Variants in MAP4K4 observed in about 807,000 individuals in gnomAD.
MAP4K4 encodes the protein mitogen-activated protein kinase kinase kinase kinase 4.
Under a neutral mutation model 189.6 loss-of-function variants are expected in MAP4K4, and 38 were observed. That is an observed-to-expected ratio of 0.20 (90% CI 0.15 to 0.26). The LOEUF (loss-of-function observed/expected upper bound fraction) is 0.26, where lower values mean the gene tolerates loss of function less well. Among genes scored for constraint, MAP4K4 ranks in the 10% least tolerant of loss-of-function variants. MAP4K4 has a pLI of 1.00. For missense variants in MAP4K4, 1,054 were observed against 1,726.9 expected, an observed-to-expected ratio of 0.61 and a Z score of 6.91; for synonymous variants, 610 against 624.3, an observed-to-expected ratio of 0.98 and a Z score of 0.34.
At chr2:101,859,749 GGCCGCACCCGCAGCACTC>G in exon 15 of MAP4K4, 5 of 1,611,578 alleles carry the variant, frequency 3.1e-6, no homozygotes, top group Non-Finnish European at 4.2e-6. Flanking sequence ...GACCATAGGA[GGCCGCACCCGCAGCACTC>G]GCAGCAGCCG....
At chr2:101,786,412 A>T (rs1024753019) in intron 2 of MAP4K4, among the ~76,000 whole-genome samples, 1 of 152,106 alleles carries the variant, frequency 6.6e-6, no homozygotes, top group Non-Finnish European at 1.5e-5. Context: ...CTTAAAAAAA[A>T]AACATACATT....
chr2:101,746,121 T>G (rs1470761280), intron 2 of MAP4K4, among the ~76,000 whole-genome samples: 1 of 151,814 alleles, frequency 6.6e-6, no homozygotes, highest in Non-Finnish European at 1.5e-5. Context: ...TCCTGGGTAG[T>G]TGGGACCGCA....
At chr2:101,736,795 C>T (rs1046777759) in intron 2 of MAP4K4, among the ~76,000 whole-genome samples, 3 of 152,134 alleles carry the variant, frequency 2.0e-5, no homozygotes, top group African/African-American at 4.8e-5. Flanking sequence ...AGTTAGTGCT[C>T]CTGACACTTG....
chr2:101,844,487 C>T lies in MAP4K4; in HGVS notation c.1233+176C>T, dbSNP rs544186041. The stretch of plus-strand genomic sequence containing the variant: ...TACGCTTTGGACTGGCAGGCCTTCA[C>T]ATTCCTTGAGGCCTTAGAAATGTTT... On this transcript the variant is annotated intron_variant, in intron 12 of 32. Coordinates refer to ENST00000324219, the Ensembl canonical transcript of MAP4K4. Among the ~76,000 whole-genome samples, 8 of 152,344 alleles carry T rather than the reference C, an allele frequency of 5.3e-5. No homozygotes were observed. In the South Asian group the frequency reaches 1.7e-3, roughly 32 times the overall value.
At chr2:101,798,217 T>G (rs994357732) in intron 3 of MAP4K4, among the ~76,000 whole-genome samples, 2 of 152,000 alleles carry the variant, frequency 1.3e-5, no homozygotes, top group Non-Finnish European at 2.9e-5. Context: ...CCCGCCCTTC[T>G]AATCATTCCC....
chr2:101,764,150 T>TA (rs1391476165), intron 2 of MAP4K4, among the ~76,000 whole-genome samples: 1 of 147,256 alleles, frequency 6.8e-6, no homozygotes, highest in Non-Finnish European at 1.5e-5. Flanking sequence ...ACCGAGATGC[T>TA]AAAAAAATGA....
At chr2:101,733,263 G>T (rs2059226271) in intron 2 of MAP4K4, among the ~76,000 whole-genome samples, 1 of 152,222 alleles carries the variant, frequency 6.6e-6, no homozygotes, top group Non-Finnish European at 1.5e-5. Context: ...GGGATGCAGG[G>T]ATGATGAGGA....
intron 8 of MAP4K4, among the ~76,000 whole-genome samples, chr2:101,835,045 C>T (rs930016890): frequency 6.6e-6 from 1 of 152,200 alleles, no homozygotes; most frequent in African/African-American, 2.4e-5. Flanking sequence ...GAATGTATAA[C>T]TGTCTGGCAC....
intron 3 of MAP4K4, among the ~76,000 whole-genome samples, chr2:101,801,904 A>G (rs983769620): frequency 3.3e-5 from 5 of 151,986 alleles, no homozygotes; most frequent in Non-Finnish European, 5.9e-5. Flanking sequence ...CACCCTCCTC[A>G]TTGCTCAGGC....
At chr2:101,797,889 G>GTGTTTTTTTGTTTTTTT (rs1553478618) in intron 3 of MAP4K4, among the ~76,000 whole-genome samples, 2 of 52,304 alleles carry the variant, frequency 3.8e-5, no homozygotes, top group African/African-American at 1.5e-4. Context: ...CATTCTTTTA[G>GTGTTTTTTTGTTTTTTT]TTTTTTTTTT....
In MAP4K4 at chr2:101,823,897, G is replaced by A. The variant is rs189747890; in HGVS notation, c.181-31G>A. On this transcript the variant is annotated intron_variant, in intron 3 of 32. Coordinates refer to ENST00000324219, the Ensembl canonical transcript of MAP4K4. ...GTAAAGTCATTCACATCGTTCAGTA[G>A]CCACACATTTTATTTTTATTTTTTC... The A allele has an allele frequency of 9.4e-4, 1,467 of 1,566,286 alleles. 5 individuals carry two copies. Among genetic ancestry groups the A allele is most frequent in the Non-Finnish European group, 1.0e-3 (1,168 of 1,154,480 alleles).
At chr2:101,856,170 C>T (rs1180035886) in intron 13 of MAP4K4, 32 bp downstream of exon 13, 2 of 1,539,346 alleles carry the variant, frequency 1.3e-6, no homozygotes, top group Admixed American at 4.2e-5. Flanking sequence ...CAGGCATACA[C>T]TTGTGAAGTT....
exon 33 of MAP4K4, chr2:101,891,990 AAAAAAAAAAAAAAAAAAAAAAAAAAG>A (rs2098576366): frequency 1.5e-5 from 1 of 66,174 alleles, no homozygotes; most frequent in Admixed American, 1.6e-4. Flanking sequence ...ATGGTTCTAA[AAAAAAAAAAAAAAAAAAAAAAAAAAG>A]GAAAAAAAAA....
At chr2:101,804,357 A>G (rs1476302108) in intron 3 of MAP4K4, among the ~76,000 whole-genome samples, 18 of 152,174 alleles carry the variant, frequency 1.2e-4, no homozygotes, top group Admixed American at 1.1e-3. Flanking sequence ...AAATGATTTC[A>G]TGGTGGGGTG....
intron 21 of MAP4K4, 136 bp from the exon 22 acceptor site, chr2:101,869,486 A>G: frequency 1.6e-6 from 1 of 644,754 alleles, no homozygotes; most frequent in Non-Finnish European, 2.7e-6. Flanking sequence ...ATAGGAGCTC[A>G]CTTTCTCATG....
At chr2:101,869,343 A>C (rs2097913391) in intron 21 of MAP4K4, among the ~76,000 whole-genome samples, 1 of 151,978 alleles carries the variant, frequency 6.6e-6, no homozygotes, top group African/African-American at 2.4e-5. Flanking sequence ...CTATCAGCTT[A>C]ACATAAGCAG....
At chr2:101,831,580 C>G in intron 6 of MAP4K4, 141 bp from the exon 7 acceptor site, 1 of 889,902 alleles carries the variant, frequency 1.1e-6, no homozygotes, top group Non-Finnish European at 1.8e-6. Context: ...GTGGTGCCTG[C>G]CTTGAGCAGG....
Position 101,876,918 on chromosome 2 carries a change from A to G in MAP4K4, c.3242-85A>G, listed in dbSNP as rs962156059. On this transcript the variant is annotated intron_variant, in intron 26 of 32. Transcript: ENST00000324219. Reference sequence around the variant, plus strand: ...ATTAAGGAAGCTACACTTTTTTCCAAATAGATGATGTTATCCTTTCTATAC... The same window carrying G: ...ATTAAGGAAGCTACACTTTTTTCCAGATAGATGATGTTATCCTTTCTATAC... 3 of 1,390,592 alleles carry G rather than the reference A, an allele frequency of 2.2e-6. No individual in the cohort carries two copies. In the African/African-American group the frequency reaches 4.4e-5, roughly 20 times the overall value. 86.1% of individuals were successfully genotyped at this position (1,390,592 alleles called of 1,614,324 possible). A position where few individuals can be genotyped will look rare whatever the true frequency, so the allele number is the denominator to read the frequency against.
At chr2:101,808,734 C>G (rs1575950778) in intron 3 of MAP4K4, among the ~76,000 whole-genome samples, 1 of 152,010 alleles carries the variant, frequency 6.6e-6, no homozygotes, top group Non-Finnish European at 1.5e-5. Context: ...AAAAATTACA[C>G]TCATAATTCC....
Sources: gnomAD v4.1 joint callset for allele counts (sites outside exome capture counted in the v4.1 genomes callset) on GRCh38, gnomAD v4.1.1 for gene constraint, MANE v1.5 for transcripts, NCBI Gene and HGNC (gene_info 2026-07-23, HGNC 2026-07-21) for gene names.